ATP6V1C1: variants seen among roughly 807,000 people sequenced by gnomAD.
The protein encoded by ATP6V1C1 is ATPase H+ transporting V1 subunit C1, also known as V-type proton ATPase subunit C 1.
Under a neutral mutation model 53.9 loss-of-function variants are expected in ATP6V1C1, and 45 were observed. The ratio of observed to expected loss-of-function variants is 0.83; its 90% CI spans 0.66 to 1.07. ATP6V1C1 has a LOEUF of 1.07. Among genes scored for constraint, ATP6V1C1 ranks in the 50% least tolerant of loss-of-function variants. The pLI, the probability that ATP6V1C1 is intolerant of heterozygous loss-of-function variation, is 0.00. For synonymous variants in ATP6V1C1, 153 were observed against 155.2 expected (o/e 0.99, Z 0.11); for missense variants, 315 against 440.3 (o/e 0.72, Z 2.55).
At chr8:103,053,525 A>G (rs1217632388) in intron 6 of ATP6V1C1, among the ~76,000 whole-genome samples, 4 of 151,970 alleles carry the variant, frequency 2.6e-5, no homozygotes, top group African/African-American at 9.7e-5. Context: ...CACTAAAGGT[A>G]TTGTGCTTAG....
At chr8:103,045,287 A>G (rs1021169585) in intron 3 of ATP6V1C1, among the ~76,000 whole-genome samples, 1 of 152,200 alleles carries the variant, frequency 6.6e-6, no homozygotes, top group African/African-American at 2.4e-5. Flanking sequence ...ATAGAGACTG[A>G]GGTCAGGGTT....
intron 3 of ATP6V1C1, among the ~76,000 whole-genome samples, chr8:103,042,672 A>G (rs1273447991): frequency 2.6e-5 from 4 of 152,178 alleles, no homozygotes; most frequent in African/African-American, 7.2e-5. Context: ...CAGGTGTACA[A>G]TTCAGTGATT....
At chr8:103,057,099 G>A (rs1015456669) in intron 8 of ATP6V1C1, among the ~76,000 whole-genome samples, 1 of 152,192 alleles carries the variant, frequency 6.6e-6, no homozygotes, top group Non-Finnish European at 1.5e-5. Flanking sequence ...AACGAAAGCA[G>A]GGATTTATTA....
chr8:103,037,991 A>C (rs1389132816), intron 1 of ATP6V1C1, among the ~76,000 whole-genome samples: 1 of 152,312 alleles, frequency 6.6e-6, no homozygotes, highest in Admixed American at 6.5e-5. Context: ...TTGGAGAACA[A>C]TTTGGCAATA....
intron 8 of ATP6V1C1, among the ~76,000 whole-genome samples, chr8:103,057,012 G>C (rs1455959234): frequency 6.6e-6 from 1 of 152,160 alleles, no homozygotes; most frequent in Admixed American, 6.5e-5. Context: ...ACTTCGAGTT[G>C]TCCAGGTTCT....
chr8:103,059,271 C>T (rs1418998017), intron 8 of ATP6V1C1, among the ~76,000 whole-genome samples: 1 of 152,178 alleles, frequency 6.6e-6, no homozygotes, highest in Non-Finnish European at 1.5e-5. Context: ...ACCCATGGCT[C>T]TAGCCTCACC....
At chr8:103,039,081 A>G (rs527457320) in intron 1 of ATP6V1C1, among the ~76,000 whole-genome samples, 1 of 152,320 alleles carries the variant, frequency 6.6e-6, no homozygotes, top group East Asian at 1.9e-4. Context: ...TTTTTCTAGA[A>G]TATAGTTTCT....
At chr8:103,021,863 G>A (rs745444369) in intron 1 of ATP6V1C1, among the ~76,000 whole-genome samples, 4 of 152,132 alleles carry the variant, frequency 2.6e-5, no homozygotes, top group Non-Finnish European at 5.9e-5. Context: ...GTCACATAAG[G>A]CATATTGAAT....
intron 4 of ATP6V1C1, among the ~76,000 whole-genome samples, chr8:103,049,551 T>G (rs1478759389): frequency 6.6e-6 from 1 of 152,220 alleles, no homozygotes; most frequent in Non-Finnish European, 1.5e-5. Context: ...TTGTTGTCAT[T>G]TGTACTTGCA....
At chr8:103,044,787 G>A (rs955559514) in intron 3 of ATP6V1C1, among the ~76,000 whole-genome samples, 1 of 151,858 alleles carries the variant, frequency 6.6e-6, no homozygotes, top group African/African-American at 2.4e-5. Flanking sequence ...TTTTGATGAG[G>A]ATAGTGTTGA....
chr8:103,025,435 A>G (rs185650868), intron 1 of ATP6V1C1, among the ~76,000 whole-genome samples: 5 of 152,356 alleles, frequency 3.3e-5, no homozygotes, highest in South Asian at 2.1e-4. Context: ...TTGTTGGACA[A>G]ATATTAAGAT....
chr8:103,046,882 C>T (rs1019441126), intron 3 of ATP6V1C1, among the ~76,000 whole-genome samples: 4 of 152,064 alleles, frequency 2.6e-5, no homozygotes, highest in Admixed American at 1.3e-4. Flanking sequence ...AATAGGCATA[C>T]GGAGATCTTG....
intron 4 of ATP6V1C1, among the ~76,000 whole-genome samples, chr8:103,049,968 G>T (rs1391352774): frequency 1.3e-5 from 2 of 151,980 alleles, no homozygotes; most frequent in East Asian, 1.9e-4. Flanking sequence ...AAAAAAAAAG[G>T]AAGAAGGATA....
chr8:103,034,888 T>C (rs1463489028), intron 1 of ATP6V1C1, among the ~76,000 whole-genome samples: 1 of 152,186 alleles, frequency 6.6e-6, no homozygotes, highest in African/African-American at 2.4e-5. Context: ...GAAATTTTTT[T>C]ACCTGACTTG....
chr8:103,048,826 G>T, intron 3 of ATP6V1C1, 44 bp from the exon 4 acceptor site: 1 of 1,524,250 alleles, frequency 6.6e-7, no homozygotes, highest in Non-Finnish European at 9.1e-7. Context: ...ATGGAATTTA[G>T]ATCTTTTTCC....
chr8:103,064,630 T>C, intron 10 of ATP6V1C1, 84 bp from the exon 11 acceptor site: 1 of 1,013,434 alleles, frequency 9.9e-7, no homozygotes. Context: ...AGATTCCTAA[T>C]AGGTAGTCAC....
intron 12 of ATP6V1C1, among the ~76,000 whole-genome samples, chr8:103,068,375 A>G (rs1350707098): frequency 6.6e-6 from 1 of 152,236 alleles, no homozygotes; most frequent in Non-Finnish European, 1.5e-5. Flanking sequence ...CAGTATACAT[A>G]AAAAAGGTTG....
intron 1 of ATP6V1C1, among the ~76,000 whole-genome samples, chr8:103,028,923 C>T (rs1472068742): frequency 6.6e-6 from 1 of 152,114 alleles, no homozygotes; most frequent in Non-Finnish European, 1.5e-5. Flanking sequence ...TTAATGGTCT[C>T]TAAACTTTTC....
At chr8:103,029,030 GA>G (rs371951302) in intron 1 of ATP6V1C1, among the ~76,000 whole-genome samples, 2 of 151,134 alleles carry the variant, frequency 1.3e-5, no homozygotes, top group Admixed American at 6.6e-5. Flanking sequence ...TAAAAATTAG[GA>G]AAAAAATATA....
Sources: allele counts gnomAD v4.1 joint callset (sites outside exome capture counted in the v4.1 genomes callset), GRCh38; gene constraint gnomAD v4.1.1; transcripts MANE v1.5; gene names NCBI Gene and HGNC (gene_info 2026-07-23, HGNC 2026-07-21).